KDM4B: variants seen among roughly 807,000 people sequenced by gnomAD.
KDM4B encodes the protein lysine-specific demethylase 4B.
KDM4B carries 32 observed loss-of-function variants against 125.2 expected under a neutral mutation model. That is an observed-to-expected ratio of 0.26 (90% confidence interval 0.19 to 0.34). The LOEUF is 0.34. Among genes scored for constraint, KDM4B ranks in the 10% least tolerant of loss-of-function variants. KDM4B has a pLI of 1.00. For synonymous variants in KDM4B, 721 were observed against 677.9 expected (o/e 1.06, Z -0.99); for missense variants, 1,190 against 1,577.7 (o/e 0.75, Z 4.16).
At chr19:5,149,661 G>A (rs749641835) in intron 21 of KDM4B, among the ~76,000 whole-genome samples, 2 of 152,324 alleles carry the variant, frequency 1.3e-5, no homozygotes, top group Admixed American at 6.5e-5. Flanking sequence ...GGACAGTGTT[G>A]TGTTGCCAGA....
At chr19:5,099,718 G>A (rs1477053932) in intron 9 of KDM4B, among the ~76,000 whole-genome samples, 1 of 152,128 alleles carries the variant, frequency 6.6e-6, no homozygotes, top group Non-Finnish European at 1.5e-5. Context: ...CACCCTCATG[G>A]AGGAGATCAG....
rs7249678 is a variant in KDM4B at position 5,133,731 on chromosome 19, G to A, written c.1907-152G>A. On this transcript the variant is annotated intron_variant, in intron 13 of 22. Transcript: ENST00000159111. ...GGCATTGTGGAGAATGGGGCAGCCAGGAGGCAGGTGGAGGGGGAGCTATGG... is the reference window on the plus strand; with the variant it reads ...GGCATTGTGGAGAATGGGGCAGCCAAGAGGCAGGTGGAGGGGGAGCTATGG... The A allele has an allele frequency of 8.0e-4, 544 of 680,534 alleles. 3 individuals carry two copies. In the African/African-American group the frequency reaches 8.7e-3, roughly 11 times the overall value. 42.2% of individuals were successfully genotyped at this position (680,534 alleles called of 1,614,324 possible). A position where few individuals can be genotyped will look rare whatever the true frequency, so the allele number is the denominator to read the frequency against.
rs191592868 is a variant in KDM4B, at chr19:5,020,719, C to T, written c.-26+4380C>T. Among the ~76,000 whole-genome samples, 544 of 152,370 alleles carry T rather than the reference C, an allele frequency of 3.6e-3. 2 individuals are homozygous for T. The highest frequency in any genetic ancestry group is 5.9e-3 in the Non-Finnish European group (399 of 68,038). On this transcript the variant is annotated intron_variant, in intron 2 of 22. Transcript: ENST00000159111. ...TTTGAGTATTGAATCGTAATGGTTT[C>T]TTCCTCCTAAATAGAATGCTAGGTT...
intron 3 of KDM4B, among the ~76,000 whole-genome samples, chr19:5,039,017 C>G (rs971036265): frequency 6.6e-6 from 1 of 152,270 alleles, no homozygotes; most frequent in Non-Finnish European, 1.5e-5. Context: ...TGTCTGGGCT[C>G]CAACCCCTGT....
At chr19:4,986,494 C>T (rs975471926) in intron 1 of KDM4B, among the ~76,000 whole-genome samples, 3 of 152,180 alleles carry the variant, frequency 2.0e-5, no homozygotes, top group Non-Finnish European at 4.4e-5. Flanking sequence ...GCGAAGGCAC[C>T]TGCCCCCTGC....
intron 3 of KDM4B, among the ~76,000 whole-genome samples, chr19:5,038,827 T>C (rs2036714319): frequency 6.6e-6 from 1 of 152,260 alleles, no homozygotes; most frequent in Non-Finnish European, 1.5e-5. Context: ...GCTCCTGTCC[T>C]GCCTCACGGC....
intron 21 of KDM4B, among the ~76,000 whole-genome samples, chr19:5,146,652 C>T (rs775791708): frequency 3.3e-5 from 5 of 151,292 alleles, no homozygotes; most frequent in Admixed American, 6.6e-5. Context: ...GTGGGCTGGG[C>T]GCGGTGGTTC....
intron 11 of KDM4B, among the ~76,000 whole-genome samples, chr19:5,125,634 C>T (rs536927063): frequency 9.3e-4 from 142 of 152,330 alleles, no homozygotes; most frequent in African/African-American, 3.0e-3. Context: ...CCTGGTGCAT[C>T]TCTGAGGCCT....
chr19:5,002,486 T>C (rs911087661), intron 1 of KDM4B, among the ~76,000 whole-genome samples: 4 of 151,772 alleles, frequency 2.6e-5, no homozygotes, highest in Admixed American at 6.6e-5. Flanking sequence ...CTTCTTTCTT[T>C]CCTTTCTTCT....
At chr19:5,113,089 C>G (rs1288709976) in intron 10 of KDM4B, 1 of 152,304 alleles carries the variant, frequency 6.6e-6, no homozygotes, top group Non-Finnish European at 1.5e-5. Context: ...TTGGAACCTT[C>G]TTTGCACGCA....
At chr19:5,002,765 T>C (rs1454392056) in intron 1 of KDM4B, among the ~76,000 whole-genome samples, 1 of 151,628 alleles carries the variant, frequency 6.6e-6, no homozygotes, top group Non-Finnish European at 1.5e-5. Flanking sequence ...CTGGGCAACA[T>C]GGTGAGACCC....
intron 2 of KDM4B, among the ~76,000 whole-genome samples, chr19:5,031,548 T>C (rs986225446): frequency 9.2e-5 from 14 of 152,120 alleles, no homozygotes; most frequent in African/African-American, 3.4e-4. Context: ...TCAAACCCAG[T>C]GGGGGTCTCT....
chr19:5,073,592 C>G (rs1199032686), intron 7 of KDM4B, among the ~76,000 whole-genome samples: 1 of 152,250 alleles, frequency 6.6e-6, no homozygotes, highest in Non-Finnish European at 1.5e-5. Context: ...CAGAGGTTGA[C>G]AGGAGCCTGC....
At chr19:4,995,607 T>C (rs534764356) in intron 1 of KDM4B, among the ~76,000 whole-genome samples, 1 of 152,292 alleles carries the variant, frequency 6.6e-6, no homozygotes, top group Admixed American at 6.5e-5. Flanking sequence ...TTTGAATTGG[T>C]AGAGAGTGGG....
chr19:5,089,217 C>G lies in KDM4B; in HGVS notation c.918+6713C>G, dbSNP rs149268301. On this transcript the variant is annotated intron_variant, in intron 9 of 22. Transcript: ENST00000159111. ...GAAACTGTCCAGAAACATCCTTCCCCCAGATCAGCTCTCAGCAAATCAGGA... is the reference window on the plus strand; with the variant it reads ...GAAACTGTCCAGAAACATCCTTCCCGCAGATCAGCTCTCAGCAAATCAGGA... Among the ~76,000 whole-genome samples, 565 of 152,308 alleles carry G rather than the reference C, an allele frequency of 3.7e-3. 4 individuals are homozygous for G. Among genetic ancestry groups the G allele is most frequent in the African/African-American group, 0.013 (551 of 41,564 alleles).
chr19:5,009,430 G>A (rs2035663147), intron 1 of KDM4B, among the ~76,000 whole-genome samples: 1 of 152,208 alleles, frequency 6.6e-6, no homozygotes, highest in Non-Finnish European at 1.5e-5. Flanking sequence ...CCTGGAAGTG[G>A]AAGGGATGTG....
intron 9 of KDM4B, among the ~76,000 whole-genome samples, chr19:5,088,933 C>T (rs575889958): frequency 1.5e-3 from 221 of 152,284 alleles, no homozygotes; most frequent in African/African-American, 4.9e-3. Context: ...GAGGACACCC[C>T]GCTCAGTGAG....
chr19:5,141,128 G>A lies in KDM4B; in HGVS notation c.2551-2839G>A, dbSNP rs1489759068. 1 of 152,282 alleles carries A rather than the reference G, an allele frequency of 6.6e-6. No individual in the cohort carries two copies. The highest frequency in any genetic ancestry group is 1.5e-5 in the Non-Finnish European group (1 of 68,070). 9.4% of individuals were successfully genotyped at this position (152,282 alleles called of 1,614,324 possible). A position where few individuals can be genotyped will look rare whatever the true frequency, so the allele number is the denominator to read the frequency against. ...AGGTGCCCACGAGCCCGGCGGGCTT[G>A]GATGCCATGCTTGGAGCCCACAGGT... On this transcript the variant is annotated intron_variant, in intron 18 of 22. Coordinates refer to ENST00000159111, the MANE Select transcript of KDM4B (RefSeq NM_015015.3). This position sits in a 1 kb window ranked among gnomAD's most constrained non-coding sequence, Gnocchi z 6.4.
chr19:5,109,461 C>T (rs1160904009), intron 9 of KDM4B, among the ~76,000 whole-genome samples: 1 of 152,210 alleles, frequency 6.6e-6, no homozygotes, highest in Admixed American at 6.5e-5. Flanking sequence ...CCACCAAGAA[C>T]AGTGACCTGG....
Sources: gnomAD v4.1 joint callset for allele counts (sites outside exome capture counted in the v4.1 genomes callset) on GRCh38, gnomAD v4.1.1 for gene constraint, Gnocchi (gnomAD v3.1) non-coding constraint, MANE v1.5 for transcripts, NCBI Gene and HGNC (gene_info 2026-07-23, HGNC 2026-07-21) for gene names.